Variants in ACOX3 observed in about 807,000 individuals in gnomAD.
ACOX3 encodes the protein peroxisomal acyl-coenzyme A oxidase 3.
ACOX3 carries 73 observed loss-of-function variants against 81.5 expected under a neutral mutation model. The observed-to-expected ratio is 0.90, with a 90% CI of 0.74 to 1.09. The LOEUF is 1.09. ACOX3 is among the 50% of genes least tolerant of loss of function. The pLI, the probability that ACOX3 is intolerant of heterozygous loss-of-function variation, is 0.00. For missense variants in ACOX3, 947 were observed against 928.0 expected (o/e 1.02, Z -0.27); for synonymous variants, 387 against 375.1 (o/e 1.03, Z -0.37).
At chr4:8,367,787 C>T (rs571113302) in intron 17 of ACOX3, among the ~76,000 whole-genome samples, 67 of 111,288 alleles carry the variant, frequency 6.0e-4, no homozygotes, top group South Asian at 9.0e-4. Context: ...CTGGGCAACA[C>T]GGCGAAACCC....
chr4:8,376,347 T>TA (rs1716958716), intron 14 of ACOX3, among the ~76,000 whole-genome samples: 1 of 77,306 alleles, frequency 1.3e-5, no homozygotes, highest in African/African-American at 8.2e-5. Flanking sequence ...ACTTTTAAAA[T>TA]TAAAAAAAAA....
At chr4:8,395,402 G>C (rs1167049366) in intron 9 of ACOX3, among the ~76,000 whole-genome samples, 1 of 135,680 alleles carries the variant, frequency 7.4e-6, no homozygotes, top group Non-Finnish European at 1.6e-5. Context: ...GTGGGGGGAT[G>C]CATGGATGGG....
intron 7 of ACOX3, among the ~76,000 whole-genome samples, chr4:8,404,747 GCTCCT>G (rs1052432177): frequency 6.6e-6 from 1 of 152,168 alleles, no homozygotes; most frequent in African/African-American, 2.4e-5. Context: ...TGTAAGGCAG[GCTCCT>G]CTCCTCTCCA....
chr4:8,361,163 C>A, the ACOX3 span, among the ~76,000 whole-genome samples: 1 of 151,958 alleles, frequency 6.6e-6, no homozygotes, highest in Non-Finnish European at 1.5e-5. Flanking sequence ...GTGGCTCACG[C>A]CCGTAATCCC....
chr4:8,427,499 C>T (rs945374785), intron 1 of ACOX3, among the ~76,000 whole-genome samples: 1 of 152,238 alleles, frequency 6.6e-6, no homozygotes, highest in Non-Finnish European at 1.5e-5. Context: ...TCCAGCGAGG[C>T]ACCGGTTGCT....
Position 8,389,731 on chromosome 4 carries a change from T to C in ACOX3, c.1304A>G (p.Asn435Ser). 6.2e-7 allele frequency: 1 copy of C among 1,613,918 alleles called. No homozygotes were observed. Among genetic ancestry groups the C allele is most frequent in the Non-Finnish European group, 8.5e-7 (1 of 1,179,948 alleles). The change falls in exon 12 of 18, where the codon AAC (asparagine) becomes AGC (serine). Residue 435 changes from asparagine to serine, a missense_variant. Transcript: ENST00000356406. The surrounding 1 kb of genome is among the most constrained non-coding windows in gnomAD (Gnocchi z 5.3). ...GTCATCTCTAAGGACACCCAACCGG[T>C]TCACTGCAACAAAGCCACAATAGTA... ...ACGGHGYLAM[N>S]RLGVLRDDND...
At position 8,431,964 on chromosome 4, in the gene ACOX3, T is replaced by A. The variant is rs1723983825; in HGVS notation, c.-15+8684A>T. 6.6e-6 allele frequency among the ~76,000 whole-genome samples: 1 copy of A among 152,154 alleles called. No individual in the cohort carries two copies. Among genetic ancestry groups the A allele is most frequent in the Admixed American group, 6.5e-5 (1 of 15,280 alleles). ...TTCCCACCACCACCTCCTTGGCTGG[T>A]TCTGCATTCCCAGAAGAGTGGCTGG... On this transcript the variant is annotated intron_variant, in intron 1 of 17. Transcript: ENST00000356406. The surrounding 1 kb of genome is among the most constrained non-coding windows in gnomAD (Gnocchi z 5.3).
chr4:8,411,237 C>T (rs1345057941), intron 5 of ACOX3, among the ~76,000 whole-genome samples: 1 of 152,264 alleles, frequency 6.6e-6, no homozygotes, highest in Non-Finnish European at 1.5e-5. Context: ...TGATCCTCCA[C>T]GCGGAGCTTG....
In ACOX3 at chr4:8,392,425, A is replaced by G; in HGVS notation, c.1208T>C (p.Leu403Pro). 1 of 1,607,306 alleles carries G rather than the reference A, an allele frequency of 6.2e-7. No individual in the cohort carries two copies. Among genetic ancestry groups the G allele is most frequent in the Non-Finnish European group, 8.5e-7 (1 of 1,177,616 alleles). ...GGCCAGGGGCTTGCTGGCCGATGCC[A>G]GGGCGTGGATCTCACGTCCAAGCTC... The part of the protein sequence containing the change: ...QAELGREIHA[L>P]ASASKPLASW... The change falls in exon 11 of 18, where the codon CTG becomes CCG. Residue 403 changes from leucine (L) to proline (P), a missense_variant. Transcript: ENST00000356406.
At chr4:8,392,586 G>GGA in intron 10 of ACOX3, 133 bp from the exon 11 acceptor site, 1 of 1,035,410 alleles carries the variant, frequency 9.7e-7, no homozygotes, top group Non-Finnish European at 1.3e-6. Context: ...TGACAGAAGA[G>GGA]GAAACCTAAT....
rs370331920 is a variant in ACOX3, at chr4:8,410,218, G to T, written c.681C>A (p.Ile227=). Residue 227 remains isoleucine, a synonymous_variant, in exon 6 of 18, where the codon ATC becomes ATA. Transcript: ENST00000356406. ...GDQCHGLHPF[I]VQIRDPKTLL... ...GGCCACCCCAGCGTCCTACCTGCAC[G>T]ATAAAGGGATGCAGCCCATGGCACT... The T allele has an allele frequency of 6.2e-7, 1 of 1,613,894 alleles. No individual in the cohort carries two copies.
chr4:8,372,235 C>T (rs1716303728), intron 16 of ACOX3, among the ~76,000 whole-genome samples: 1 of 152,234 alleles, frequency 6.6e-6, no homozygotes, highest in Non-Finnish European at 1.5e-5. Context: ...GCTGGGACTA[C>T]AGGCATGTGC....
At chr4:8,359,466 G>C in the ACOX3 span, among the ~76,000 whole-genome samples, 3 of 152,184 alleles carry the variant, frequency 2.0e-5, no homozygotes, top group Non-Finnish European at 4.4e-5. This position sits in a 1 kb window ranked among gnomAD's most constrained non-coding sequence, Gnocchi z 6.0. Flanking sequence ...GCCCCTCTCA[G>C]TAAGGTCCCT....
Position 8,439,028 on chromosome 4 carries a change from G to A in ACOX3, c.-15+1620C>T, listed in dbSNP as rs557146048. The A allele has an allele frequency of 2.6e-5, 4 of 152,322 alleles. No homozygotes were observed. In the South Asian group the frequency reaches 6.2e-4, roughly 24 times the overall value. 9.4% of individuals were successfully genotyped at this position (152,322 alleles called of 1,614,324 possible). A position where few individuals can be genotyped will look rare whatever the true frequency, so the allele number is the denominator to read the frequency against. On this transcript the variant is annotated intron_variant, in intron 1 of 17. Coordinates refer to ENST00000356406, the MANE Select transcript of ACOX3 (RefSeq NM_003501.3). ...TAGTCTACGCATGGCCGAAGCTTGA[G>A]GACTTGTCAAGCAAGTAAACGTAGT...
rs191806447 is a variant in ACOX3 at position 8,386,362 on chromosome 4, C to T, written c.1537+2811G>A. Among the ~76,000 whole-genome samples the T allele has an allele frequency of 7.9e-4, 120 of 152,028 alleles. No individual in the cohort carries two copies. Among genetic ancestry groups the T allele is most frequent in the East Asian group, 7.8e-4 (4 of 5,140 alleles). On this transcript the variant is annotated intron_variant, in intron 13 of 17. Transcript: ENST00000356406. This position sits in a 1 kb window ranked among gnomAD's most constrained non-coding sequence, Gnocchi z 5.2. ...TGGGCGGATCACGAGGTCAGGATAT[C>T]GAGACCATCCTGCCTAACACGGTGA...
Position 8,394,559 on chromosome 4 carries a change from T to A in ACOX3, c.1179+61A>T. ...TTTGCTTTGAAATGAAGGTTGAATC[T>A]ATGCTGCTCCAACCGTGTGAGATTT... is the stretch of plus-strand genomic sequence containing the variant. On this transcript the variant is annotated intron_variant, in intron 10 of 17. Coordinates refer to ENST00000356406, the MANE Select transcript of ACOX3 (RefSeq NM_003501.3). This position sits in a 1 kb window ranked among gnomAD's most constrained non-coding sequence, Gnocchi z 5.9. The A allele has an allele frequency of 6.3e-6, 10 of 1,584,586 alleles. No individual in the cohort carries two copies. The highest frequency in any genetic ancestry group is 8.6e-6 in the Non-Finnish European group (10 of 1,162,698).
At chr4:8,428,854 CGCTTGAG>C in intron 1 of ACOX3, among the ~76,000 whole-genome samples, 1 of 152,300 alleles carries the variant, frequency 6.6e-6, no homozygotes, top group East Asian at 1.9e-4. Context: ...GCAGGAGGAT[CGCTTGAG>C]GCCAGGAGTT....
chr4:8,392,451 T>G lies in ACOX3; in HGVS notation c.1182A>C (p.Ala394=). 2 of 1,571,664 alleles carry G rather than the reference T, an allele frequency of 1.3e-6. No homozygotes were observed. Among genetic ancestry groups the G allele is most frequent in the East Asian group, 4.6e-5 (2 of 43,436 alleles). The change falls in exon 11 of 18, where the codon GCA becomes GCC. Residue 394 remains alanine, a splice_region_variant and synonymous_variant. Coordinates refer to ENST00000356406, the MANE Select transcript of ACOX3 (RefSeq NM_003501.3). ...GGGCGTGGATCTCACGTCCAAGCTC[T>G]GCCTTTGGGTGAGGGAATCCAACAA... ...LASGDRSARQ[A]ELGREIHALA...
intron 11 of ACOX3, among the ~76,000 whole-genome samples, chr4:8,390,060 G>A (rs1024558604): frequency 1.7e-4 from 24 of 139,228 alleles, no homozygotes; most frequent in Admixed American, 1.3e-3. Flanking sequence ...CCGAGATTGC[G>A]CAACTGCACT....
Sources: allele counts gnomAD v4.1 joint callset (sites outside exome capture counted in the v4.1 genomes callset), GRCh38; gene constraint gnomAD v4.1.1; non-coding constraint Gnocchi (gnomAD v3.1); transcripts MANE v1.5; gene names NCBI Gene and HGNC (gene_info 2026-07-23, HGNC 2026-07-21).